Variants in PCDH15 observed in about 807,000 individuals in gnomAD.
PCDH15 encodes protocadherin-15.
Under a neutral mutation model 178.5 loss-of-function variants are expected in PCDH15, and 129 were observed. The observed-to-expected ratio is 0.72, with a 90% CI of 0.63 to 0.84. The LOEUF (loss-of-function observed/expected upper bound fraction) is 0.84, where lower values mean the gene tolerates loss of function less well. Among genes scored for constraint, PCDH15 ranks in the 40% least tolerant of loss-of-function variants. The pLI is 0.00. For missense variants in PCDH15, 2,230 were observed against 2,099.9 expected (o/e 1.06, Z -1.21); for synonymous variants, 800 against 732.0 (o/e 1.09, Z -1.50).
At chr10:54,311,806 A>C (rs562561829) in intron 8 of PCDH15, among the ~76,000 whole-genome samples, 2 of 152,216 alleles carry the variant, frequency 1.3e-5, no homozygotes, top group South Asian at 4.1e-4. Flanking sequence ...ACATTTATAA[A>C]ATCAGTGTAT....
intron 1 of PCDH15, among the ~76,000 whole-genome samples, chr10:54,676,117 A>G (rs2094784403): frequency 6.6e-6 from 1 of 152,132 alleles, no homozygotes; most frequent in Admixed American, 6.6e-5. Context: ...GAGAGTATGG[A>G]GATGTTTGTA....
chr10:55,333,079 A>G (rs1844255542), intron 2 of PCDH15, among the ~76,000 whole-genome samples: 1 of 152,234 alleles, frequency 6.6e-6, no homozygotes, highest in Non-Finnish European at 1.5e-5. Flanking sequence ...ATATAAAGAT[A>G]GAGTCAACAA....
intron 8 of PCDH15, among the ~76,000 whole-genome samples, chr10:54,266,041 G>A (rs35871719): frequency 0.7 from 106,544 of 151,414 alleles, 38,355 homozygotes; most frequent in Middle Eastern, 0.76. Flanking sequence ...TAAAGCAAGT[G>A]TCAAGAAATT....
intron 2 of PCDH15, among the ~76,000 whole-genome samples, chr10:54,934,631 G>C (rs574198110): frequency 1.1e-4 from 16 of 150,984 alleles, no homozygotes; most frequent in African/African-American, 3.9e-4. Context: ...ACTGTTGGTG[G>C]GACTGTAAAC....
intron 2 of PCDH15, among the ~76,000 whole-genome samples, chr10:54,660,254 C>A (rs1394985792): frequency 2.0e-5 from 3 of 151,984 alleles, no homozygotes; most frequent in Non-Finnish European, 4.4e-5. Flanking sequence ...TGTGGCATTA[C>A]AACCGATACC....
intron 13 of PCDH15, 138 bp from the exon 14 acceptor site, chr10:54,153,431 G>T (rs2044760583): frequency 2.3e-6 from 2 of 855,576 alleles, no homozygotes; most frequent in East Asian, 5.3e-5. Flanking sequence ...ACTGTTTTTT[G>T]TTTTTTGTTT....
intron 5 of PCDH15, among the ~76,000 whole-genome samples, chr10:54,363,867 C>A (rs1171980240): frequency 6.6e-6 from 1 of 151,724 alleles, no homozygotes; most frequent in Admixed American, 6.6e-5. Flanking sequence ...GGATGGATTA[C>A]TTTTAAAAAT....
intron 3 of PCDH15, among the ~76,000 whole-genome samples, chr10:54,515,153 G>C (rs2082081792): frequency 6.6e-6 from 1 of 152,224 alleles, no homozygotes; most frequent in Non-Finnish European, 1.5e-5. Context: ...AGCGCACCGT[G>C]CACCAGCCAA....
chr10:54,082,312 T>C (rs1003279062), intron 16 of PCDH15, among the ~76,000 whole-genome samples: 1 of 152,156 alleles, frequency 6.6e-6, no homozygotes, highest in African/African-American at 2.4e-5. Flanking sequence ...ACTTGAGGCG[T>C]ATAATAGAGT....
chr10:55,154,578 A>G (rs1838831479), intron 2 of PCDH15, among the ~76,000 whole-genome samples: 1 of 152,154 alleles, frequency 6.6e-6, no homozygotes, highest in African/African-American at 2.4e-5. Context: ...AGGGTGCAGC[A>G]GCTACAAAGA....
intron 25 of PCDH15, among the ~76,000 whole-genome samples, chr10:53,908,544 C>G (rs1302050337): frequency 6.6e-6 from 1 of 152,224 alleles, no homozygotes; most frequent in Non-Finnish European, 1.5e-5. Context: ...TCACTGCCTT[C>G]TGGCCTCTGT....
At chr10:54,644,817 T>G (rs568860724) in intron 2 of PCDH15, among the ~76,000 whole-genome samples, 1 of 152,158 alleles carries the variant, frequency 6.6e-6, no homozygotes, top group African/African-American at 2.4e-5. Context: ...GGTGATTATG[T>G]CATGAGGGCT....
chr10:54,025,212 T>C (rs886642655), intron 18 of PCDH15, among the ~76,000 whole-genome samples: 2 of 152,208 alleles, frequency 1.3e-5, no homozygotes, highest in Non-Finnish European at 2.9e-5. Flanking sequence ...AAATTAGTTT[T>C]GTTTTTGCTC....
At chr10:54,137,817 A>C (rs2043031204) in intron 14 of PCDH15, among the ~76,000 whole-genome samples, 1 of 152,174 alleles carries the variant, frequency 6.6e-6, no homozygotes, top group African/African-American at 2.4e-5. Context: ...CCAGCTGCAG[A>C]ATCTAAACTG....
Position 55,280,269 on chromosome 10 carries a change from C to CTTT in PCDH15, c.-156+39327_-156+39329dup, listed in dbSNP as rs1007536850. ...TGGAAAGGATGGGGTTATTTTGATTCTTTTTTTTTTTTTTTTTTTTTTTTT... is the reference window on the plus strand; with the variant it reads ...TGGAAAGGATGGGGTTATTTTGATTCTTTTTTTTTTTTTTTTTTTTTTTTTTTT... On this transcript the variant is annotated intron_variant, in intron 1 of 5. Coordinates refer to the PCDH15 transcript ENST00000458638. 7.7e-4 allele frequency among the ~76,000 whole-genome samples: 51 copies of CTTT among 65,988 alleles called. 3 individuals are homozygous for CTTT. In the South Asian group the frequency reaches 8.9e-3, roughly 11 times the overall value. The allele number at this position is 65,988 out of a possible 152,430, so 43.3% of individuals were successfully genotyped here.
intron 21 of PCDH15, among the ~76,000 whole-genome samples, chr10:53,991,245 G>A (rs929805382): frequency 2.0e-5 from 3 of 152,216 alleles, no homozygotes; most frequent in African/African-American, 4.8e-5. Flanking sequence ...CCCCGGCGTG[G>A]GATCCACTAG....
intron 2 of PCDH15, among the ~76,000 whole-genome samples, chr10:55,429,018 C>A (rs1416931393): frequency 6.6e-6 from 1 of 152,008 alleles, no homozygotes; most frequent in Admixed American, 6.6e-5. Context: ...CCTCTCCAGG[C>A]TTTGTGCAAT....
Position 53,823,275 on chromosome 10 carries a change from G to T in PCDH15, c.4368-3045C>A. Reference sequence around the variant, plus strand: ...AGCCTCAATAGTATTGGAAGAAAAGGGCATCACAACTTGTTGATGTTTCCT... The same window carrying T: ...AGCCTCAATAGTATTGGAAGAAAAGTGCATCACAACTTGTTGATGTTTCCT... On this transcript the variant is annotated intron_variant, in intron 32 of 37. Coordinates refer to ENST00000644397, the MANE Select transcript of PCDH15 (RefSeq NM_001384140.1). 4 of 1,613,890 alleles carry T rather than the reference G, an allele frequency of 2.5e-6. No individual in the cohort carries two copies. The highest frequency in any genetic ancestry group is 3.4e-6 in the Non-Finnish European group (4 of 1,179,916).
chr10:54,112,725 A>G (rs1405938117), intron 15 of PCDH15, among the ~76,000 whole-genome samples: 1 of 152,216 alleles, frequency 6.6e-6, no homozygotes, highest in Admixed American at 6.5e-5. Context: ...TAGAGGTCAC[A>G]CATTTTTACA....
Sources: allele counts gnomAD v4.1 joint callset (sites outside exome capture counted in the v4.1 genomes callset), GRCh38; gene constraint gnomAD v4.1.1; transcripts MANE v1.5; gene names NCBI Gene and HGNC (gene_info 2026-07-23, HGNC 2026-07-21).